TTBK2: variants seen among roughly 807,000 people sequenced by gnomAD.
The protein encoded by TTBK2 is tau-tubulin kinase 2.
In TTBK2, 28 loss-of-function variants were observed where a neutral mutation model predicts 110.8. That is an observed-to-expected ratio of 0.25 (90% CI 0.19 to 0.35). The LOEUF is 0.35. TTBK2 is among the 10% of genes least tolerant of loss of function. The probability of loss-of-function intolerance (pLI) is 1.00; values close to 1 mark genes in which losing one functional copy is unlikely to be tolerated. For synonymous variants in TTBK2, 532 were observed against 527.3 expected (o/e 1.01, Z -0.12); for missense variants, 1,369 against 1,500.3 (o/e 0.91, Z 1.45).
intron 11 of TTBK2, among the ~76,000 whole-genome samples, chr15:42,779,293 C>T (rs553246249): frequency 2.6e-5 from 4 of 151,914 alleles, no homozygotes; most frequent in South Asian, 2.1e-4. Context: ...CCTGTGGTCC[C>T]GGCTACTCGG....
chr15:42,753,409 G>C (rs1325183171), intron 13 of TTBK2, among the ~76,000 whole-genome samples, 162 bp from the exon 14 acceptor site: 1 of 152,168 alleles, frequency 6.6e-6, no homozygotes, highest in African/African-American at 2.4e-5. Context: ...GAATAACAAT[G>C]ATTGACACTC....
rs567398607 is a variant in TTBK2, at chr15:42,906,359, A to G, written c.-68+14079T>C. On this transcript the variant is annotated intron_variant, in intron 1 of 14. Transcript: ENST00000267890. ...GGCCCAGAATTGAAACCTATTATAC[A>G]AATACTACTTATCAAATTCATATAA... Among the ~76,000 whole-genome samples the G allele has an allele frequency of 2.0e-5, 3 of 152,344 alleles. No individual in the cohort carries two copies. The South Asian group carries it at 6.2e-4, about 32-fold the overall frequency.
intron 10 of TTBK2, among the ~76,000 whole-genome samples, chr15:42,788,520 G>A (rs1289007878): frequency 6.6e-6 from 1 of 152,100 alleles, no homozygotes; most frequent in Non-Finnish European, 1.5e-5. Context: ...GTGTTTTTAT[G>A]TCTCCTTGAA....
At chr15:42,833,194 C>G (rs928024025) in intron 4 of TTBK2, among the ~76,000 whole-genome samples, 4 of 136,962 alleles carry the variant, frequency 2.9e-5, no homozygotes, top group African/African-American at 1.1e-4. Context: ...ACCCCCAAAC[C>G]TAAAATAAAA....
chr15:42,910,752 T>G (rs1373618210), intron 1 of TTBK2, among the ~76,000 whole-genome samples: 1 of 151,600 alleles, frequency 6.6e-6, no homozygotes, highest in Non-Finnish European at 1.5e-5. Flanking sequence ...ATGTAAAAGG[T>G]AAAAAAATAG....
chr15:42,763,093 T>C (rs2062056179), intron 13 of TTBK2, among the ~76,000 whole-genome samples: 1 of 122,740 alleles, frequency 8.1e-6, no homozygotes, highest in Non-Finnish European at 1.6e-5. Flanking sequence ...TTTATATATA[T>C]ATATATATAC....
At chr15:42,807,378 T>C (rs1204969011) in intron 9 of TTBK2, among the ~76,000 whole-genome samples, 1 of 152,042 alleles carries the variant, frequency 6.6e-6, no homozygotes. Flanking sequence ...AATAAAGATA[T>C]TTGTGTTACC....
intron 11 of TTBK2, among the ~76,000 whole-genome samples, chr15:42,779,037 A>G (rs2140781152): frequency 6.6e-6 from 1 of 152,342 alleles, no homozygotes. Context: ...TCACTTAAAA[A>G]GAAAAAAACA....
At chr15:42,747,581 G>C (rs1184028469) in intron 14 of TTBK2, among the ~76,000 whole-genome samples, 1 of 152,198 alleles carries the variant, frequency 6.6e-6, no homozygotes, top group Admixed American at 6.5e-5. Flanking sequence ...GTTCACAACA[G>C]GGTTCACGCT....
At chr15:42,912,768 T>C (rs1329837893) in intron 1 of TTBK2, among the ~76,000 whole-genome samples, 1 of 152,074 alleles carries the variant, frequency 6.6e-6, no homozygotes, top group East Asian at 1.9e-4. Context: ...AACAAGATCA[T>C]GTGTAGAAAC....
intron 13 of TTBK2, among the ~76,000 whole-genome samples, chr15:42,771,270 G>A (rs1309713343): frequency 6.6e-6 from 1 of 152,076 alleles, no homozygotes; most frequent in Non-Finnish European, 1.5e-5. Flanking sequence ...ACCACGCCCG[G>A]CCTGAAGCAT....
In TTBK2 at chr15:42,909,347, G is replaced by A. The variant is rs562961732; in HGVS notation, c.-68+11091C>T. Among the ~76,000 whole-genome samples, 16 of 152,258 alleles carry A rather than the reference G, an allele frequency of 1.1e-4. No homozygotes were observed. The East Asian group carries it at 2.1e-3, about 20-fold the overall frequency. ...TATGGCCTCATCCCCCACCTTCAAA[G>A]TCAGTAGTATAGCATCTTCAAATCT... On this transcript the variant is annotated intron_variant, in intron 1 of 14. Transcript: ENST00000267890.
intron 1 of TTBK2, among the ~76,000 whole-genome samples, chr15:42,887,941 C>CT (rs71108187): frequency 0.42 from 64,437 of 151,802 alleles, 16,553 homozygotes; most frequent in African/African-American, 0.73. Flanking sequence ...CGTGCTCTCC[C>CT]GCTGATCGTG....
chr15:42,823,506 T>C, intron 6 of TTBK2, among the ~76,000 whole-genome samples: 1 of 152,212 alleles, frequency 6.6e-6, no homozygotes, highest in African/African-American at 2.4e-5. Context: ...CCCTCTGTAA[T>C]GCCTTCTGAC....
At chr15:42,820,539 T>C (rs145150380) in intron 6 of TTBK2, among the ~76,000 whole-genome samples, 155 of 152,362 alleles carry the variant, frequency 1.0e-3, no homozygotes, top group African/African-American at 3.6e-3. Context: ...ATCTCACAGA[T>C]ATACTTGCAT....
chr15:42,882,138 T>A (rs546266578), intron 1 of TTBK2, among the ~76,000 whole-genome samples: 6 of 150,130 alleles, frequency 4.0e-5, no homozygotes, highest in South Asian at 2.1e-4. Flanking sequence ...CAGAAAAAAA[T>A]AAAAAATAGC....
rs1194727999 is a variant in TTBK2 at position 42,743,784 on chromosome 15, A to AC, written c.*2010dup. 6.6e-6 allele frequency: 1 copy of AC among 152,074 alleles called. No homozygotes were observed. The highest frequency in any genetic ancestry group is 2.4e-5 in the African/African-American group (1 of 41,416). The allele number at this position is 152,074 out of a possible 1,614,324, so 9.4% of individuals were successfully genotyped here. ...TATCTTGGCTTGTTAAATACTGCCCACCCTTGCATTGTACACAGGGAAGGC... is the reference window on the plus strand; with the variant it reads ...TATCTTGGCTTGTTAAATACTGCCCACCCCTTGCATTGTACACAGGGAAGGC... On this transcript the variant is annotated 3_prime_UTR_variant, in exon 15 of 15. Coordinates refer to ENST00000267890, the MANE Select transcript of TTBK2 (RefSeq NM_173500.4).
chr15:42,766,950 A>C (rs1421632267), intron 13 of TTBK2, among the ~76,000 whole-genome samples: 3 of 152,234 alleles, frequency 2.0e-5, no homozygotes. Flanking sequence ...ACCACAGTGC[A>C]ATCAAATTAG....
intron 4 of TTBK2, among the ~76,000 whole-genome samples, chr15:42,836,956 T>C (rs892232093): frequency 6.6e-5 from 10 of 152,106 alleles, no homozygotes; most frequent in African/African-American, 2.4e-4. Context: ...GGGGGTATAA[T>C]GAGGATCAAA....
Sources: gnomAD v4.1 joint callset for allele counts (sites outside exome capture counted in the v4.1 genomes callset) on GRCh38, gnomAD v4.1.1 for gene constraint, MANE v1.5 for transcripts, NCBI Gene and HGNC (gene_info 2026-07-23, HGNC 2026-07-21) for gene names.